Variants in FOXP1 observed in about 807,000 individuals in gnomAD.
FOXP1 encodes the protein forkhead box protein P1.
A neutral mutation model predicts 98.2 loss-of-function variants in FOXP1; 15 were observed. The observed-to-expected ratio is 0.15, with a 90% CI of 0.10 to 0.24. FOXP1 has a LOEUF of 0.24. FOXP1 is among the 10% of genes least tolerant of loss of function. The pLI, the probability that FOXP1 is intolerant of heterozygous loss-of-function variation, is 1.00. For synonymous variants in FOXP1, 371 were observed against 314.5 expected, an observed-to-expected ratio of 1.18 and a Z score of -1.90; for missense variants, 633 against 848.5, an observed-to-expected ratio of 0.75 and a Z score of 3.15.
chr3:71,119,043 C>A lies in FOXP1; in HGVS notation c.181-6406G>T, dbSNP rs372759029. 2.0e-5 allele frequency among the ~76,000 whole-genome samples: 3 copies of A among 152,310 alleles called. No individual in the cohort carries two copies. The East Asian group carries it at 5.8e-4, about 29-fold the overall frequency. ...TTCACTGGATAGAATCCTATATAAA[C>A]ACATCTTCCAATCAGTTCCCCAAAA... On this transcript the variant is annotated intron_variant, in intron 6 of 20. Coordinates refer to ENST00000649528, the MANE Select transcript of FOXP1 (RefSeq NM_001349338.3).
chr3:71,044,156 G>C (rs1349619942), intron 10 of FOXP1, among the ~76,000 whole-genome samples: 3 of 152,126 alleles, frequency 2.0e-5, no homozygotes, highest in African/African-American at 7.2e-5. Flanking sequence ...AAGATCTCAT[G>C]TTAGACAGAT....
chr3:71,542,707 G>A (rs1302084116), intron 2 of FOXP1, among the ~76,000 whole-genome samples: 1 of 152,218 alleles, frequency 6.6e-6, no homozygotes, highest in Non-Finnish European at 1.5e-5. Context: ...AGGCAGGCAG[G>A]CGCAGGCTGG....
intron 7 of FOXP1, among the ~76,000 whole-genome samples, chr3:71,054,275 C>T (rs962435109): frequency 6.6e-6 from 1 of 152,344 alleles, no homozygotes; most frequent in South Asian, 2.1e-4. Flanking sequence ...ACCTTCCGAA[C>T]TTAAACACAG....
rs181420725 is a variant in FOXP1 at position 71,373,625 on chromosome 3, T to C, written c.-167-14381A>G. The stretch of plus-strand genomic sequence containing the variant: ...AGGTGACACTGGTGCCAGTCCTGGT[T>C]TGGACATTAATTTACTTCTTGTGTG... On this transcript the variant is annotated intron_variant, in intron 3 of 20. Coordinates refer to ENST00000649528, the MANE Select transcript of FOXP1 (RefSeq NM_001349338.3). Among the ~76,000 whole-genome samples, 136 of 152,322 alleles carry C rather than the reference T, an allele frequency of 8.9e-4. 1 individual carries two copies. Among genetic ancestry groups the C allele is most frequent in the African/African-American group, 3.0e-3 (124 of 41,564 alleles).
chr3:71,329,283 G>A (rs898471175), intron 4 of FOXP1, among the ~76,000 whole-genome samples: 6 of 151,432 alleles, frequency 4.0e-5, no homozygotes, highest in African/African-American at 9.7e-5. Flanking sequence ...GTGCAGTGTC[G>A]TGATCTCTGC....
intron 6 of FOXP1, among the ~76,000 whole-genome samples, chr3:71,171,507 T>C (rs2061652534): frequency 6.6e-6 from 1 of 152,248 alleles, no homozygotes; most frequent in Non-Finnish European, 1.5e-5. Context: ...GGCTCTGTCA[T>C]CCATGGCTTC....
chr3:71,544,817 G>C (rs1314564698), intron 2 of FOXP1, among the ~76,000 whole-genome samples: 1 of 148,546 alleles, frequency 6.7e-6, no homozygotes, highest in Non-Finnish European at 1.5e-5. Context: ...TCTTTTCCAG[G>C]CAATGAGGGT....
At chr3:71,019,100 A>G (rs781499963) in intron 11 of FOXP1, among the ~76,000 whole-genome samples, 2 of 152,224 alleles carry the variant, frequency 1.3e-5, no homozygotes, top group Non-Finnish European at 2.9e-5. Flanking sequence ...TTTCTCAAAA[A>G]AGTGGAACAA....
chr3:71,290,562 C>T (rs762298802), intron 5 of FOXP1, among the ~76,000 whole-genome samples: 3 of 152,128 alleles, frequency 2.0e-5, no homozygotes, highest in Admixed American at 1.3e-4. Flanking sequence ...GCTCCCAGAG[C>T]GATCCATTTA....
intron 18 of FOXP1, chr3:70,971,959 A>C: frequency 7.4e-7 from 1 of 1,347,940 alleles, no homozygotes; most frequent in South Asian, 2.0e-5. Context: ...TCAACCATGC[A>C]AAGCCAAAGC....
intron 5 of FOXP1, among the ~76,000 whole-genome samples, chr3:71,259,174 T>C (rs1378559956): frequency 2.0e-5 from 3 of 151,462 alleles, no homozygotes; most frequent in Non-Finnish European, 1.5e-5. Flanking sequence ...AAGTAAAGAA[T>C]GGGATGGGCT....
chr3:71,430,784 T>A (rs537367369), intron 3 of FOXP1, among the ~76,000 whole-genome samples: 2 of 152,106 alleles, frequency 1.3e-5, no homozygotes, highest in East Asian at 3.9e-4. Flanking sequence ...CTCTGCCTTA[T>A]GGTGTCTGTC....
chr3:71,296,434 T>C (rs2073302389), intron 5 of FOXP1: 1 of 152,238 alleles, frequency 6.6e-6, no homozygotes, highest in Admixed American at 6.5e-5. Flanking sequence ...CCAACAAACC[T>C]TTTATTTCTT....
At chr3:71,087,995 AGT>A (rs944356183) in intron 7 of FOXP1, among the ~76,000 whole-genome samples, 3 of 152,232 alleles carry the variant, frequency 2.0e-5, no homozygotes, top group African/African-American at 7.2e-5. Context: ...AATCTGGCTT[AGT>A]GTGCAAATGT....
chr3:71,464,096 A>G (rs2088445564), intron 3 of FOXP1, among the ~76,000 whole-genome samples: 1 of 152,132 alleles, frequency 6.6e-6, no homozygotes, highest in Admixed American at 6.5e-5. Flanking sequence ...TGGGCAACAT[A>G]GGGAGACGCC....
intron 2 of FOXP1, among the ~76,000 whole-genome samples, chr3:71,507,127 C>T (rs1201846057): frequency 2.6e-5 from 4 of 152,170 alleles, no homozygotes; most frequent in Admixed American, 6.5e-5. Context: ...TTTGGGTCAG[C>T]GAACCACAGA....
chr3:71,082,654 C>CAAA (rs901895146), intron 7 of FOXP1, among the ~76,000 whole-genome samples: 1 of 143,854 alleles, frequency 7.0e-6, no homozygotes, highest in African/African-American at 2.5e-5. Context: ...ACAACAACAA[C>CAAA]AAAAAAAAAA....
chr3:71,313,414 T>C (rs2074844857), intron 4 of FOXP1, among the ~76,000 whole-genome samples: 1 of 152,134 alleles, frequency 6.6e-6, no homozygotes, highest in Admixed American at 6.5e-5. Context: ...TATCTACCTA[T>C]TCATTGGCTG....
chr3:70,982,953 G>A (rs141302219), intron 14 of FOXP1, among the ~76,000 whole-genome samples: 10 of 152,262 alleles, frequency 6.6e-5, no homozygotes, highest in East Asian at 3.9e-4. Flanking sequence ...AGGGACTTTC[G>A]GGCTCACAGA....
Sources: gnomAD v4.1 joint callset for allele counts (sites outside exome capture counted in the v4.1 genomes callset) on GRCh38, gnomAD v4.1.1 for gene constraint, MANE v1.5 for transcripts, NCBI Gene and HGNC (gene_info 2026-07-23, HGNC 2026-07-21) for gene names.